NPAS3: variants seen among roughly 807,000 people sequenced by gnomAD.
The protein encoded by NPAS3 is neuronal PAS domain protein 3, also known as neuronal PAS domain-containing protein 3.
Under a neutral mutation model 73.1 loss-of-function variants are expected in NPAS3, and 14 were observed. The observed-to-expected ratio is 0.19, with a 90% CI of 0.13 to 0.30. The LOEUF is 0.30. Among genes scored for constraint, NPAS3 ranks in the 10% least tolerant of loss-of-function variants. NPAS3 has a pLI of 1.00. For missense variants in NPAS3, 1,096 were observed against 1,250.0 expected, an observed-to-expected ratio of 0.88 and a Z score of 1.86; for synonymous variants, 620 against 541.5, an observed-to-expected ratio of 1.14 and a Z score of -2.01.
intron 6 of NPAS3, among the ~76,000 whole-genome samples, chr14:33,685,833 G>A (rs932117730): frequency 6.6e-6 from 1 of 152,142 alleles, no homozygotes; most frequent in Non-Finnish European, 1.5e-5. Context: ...CCTACACCAA[G>A]GTTAGAGATG....
chr14:33,159,072 G>T (rs2044753418), intron 2 of NPAS3, among the ~76,000 whole-genome samples: 1 of 152,018 alleles, frequency 6.6e-6, no homozygotes, highest in Non-Finnish European at 1.5e-5. Flanking sequence ...CGAGGCAGGG[G>T]AATTGCTTGG....
At chr14:33,601,615 G>A (rs1167648350) in intron 5 of NPAS3, among the ~76,000 whole-genome samples, 3 of 152,174 alleles carry the variant, frequency 2.0e-5, no homozygotes, top group Admixed American at 2.0e-4. Context: ...CATTGGTTAA[G>A]TGACTTAAGG....
In NPAS3 at chr14:33,460,686, C is replaced by G. The variant is rs74778443; in HGVS notation, c.468+93418C>G. 1.1e-3 allele frequency among the ~76,000 whole-genome samples: 168 copies of G among 152,300 alleles called. 2 individuals carry two copies. In the East Asian group the frequency reaches 0.019, roughly 17 times the overall value. On this transcript the variant is annotated intron_variant, in intron 4 of 11. Coordinates refer to ENST00000356141, the Ensembl canonical transcript of NPAS3. ...CCTCTTTTGCAAATTGATTCTTCTA[C>G]TTTAGCAATTCCTTTTACTGTTGTT... is the stretch of plus-strand genomic sequence containing the variant.
At chr14:33,430,044 A>G (rs769980201) in intron 4 of NPAS3, among the ~76,000 whole-genome samples, 1 of 152,156 alleles carries the variant, frequency 6.6e-6, no homozygotes, top group Non-Finnish European at 1.5e-5. Context: ...AGTGTCATTT[A>G]TGGAGCTGTT....
upstream of NPAS3, among the ~76,000 whole-genome samples, chr14:32,938,623 C>T (rs926904290): frequency 2.6e-5 from 4 of 151,722 alleles, no homozygotes; most frequent in Non-Finnish European, 5.9e-5. Context: ...GCTGGAACCC[C>T]CCGCGTGTCC....
At chr14:33,014,177 T>C (rs1180276913) in intron 1 of NPAS3, among the ~76,000 whole-genome samples, 3 of 152,168 alleles carry the variant, frequency 2.0e-5, no homozygotes, top group Non-Finnish European at 4.4e-5. Context: ...TGTTAATTTT[T>C]AGCTAATATT....
intron 3 of NPAS3, among the ~76,000 whole-genome samples, chr14:33,358,967 G>A (rs111913909): frequency 0.018 from 2,620 of 147,930 alleles, 33 homozygotes; most frequent in Middle Eastern, 0.051. Flanking sequence ...CCTTTCAATA[G>A]CAGGTGCTGT....
chr14:33,789,582 A>ATTTTTTTT (rs1566544083), intron 9 of NPAS3, among the ~76,000 whole-genome samples: 1 of 89,212 alleles, frequency 1.1e-5, no homozygotes, highest in Non-Finnish European at 2.2e-5. Flanking sequence ...CTAGAGTACA[A>ATTTTTTTT]CTTTTTTTTT....
chr14:33,463,015 C>T (rs2050343978), intron 4 of NPAS3, among the ~76,000 whole-genome samples: 1 of 152,158 alleles, frequency 6.6e-6, no homozygotes, highest in African/African-American at 2.4e-5. Flanking sequence ...TTAACGATTT[C>T]CTTATCTTTT....
chr14:33,518,972 A>C (rs187829933), intron 4 of NPAS3, among the ~76,000 whole-genome samples: 92 of 152,270 alleles, frequency 6.0e-4, no homozygotes, highest in Non-Finnish European at 1.8e-4. Flanking sequence ...TTAATGACTA[A>C]GTGAATAAAT....
chr14:33,527,902 A>G (rs1044114024), intron 4 of NPAS3, among the ~76,000 whole-genome samples: 3 of 152,104 alleles, frequency 2.0e-5, no homozygotes, highest in African/African-American at 7.2e-5. Flanking sequence ...CTGTTTCAAC[A>G]GAAGGAACAC....
At chr14:33,486,309 G>A (rs1007778733) in intron 4 of NPAS3, among the ~76,000 whole-genome samples, 3 of 151,982 alleles carry the variant, frequency 2.0e-5, no homozygotes, top group South Asian at 2.1e-4. Flanking sequence ...TTCTCCCGGC[G>A]TCCTCATCTG....
chr14:33,408,618 T>G (rs1372866389), intron 4 of NPAS3, among the ~76,000 whole-genome samples: 1 of 152,190 alleles, frequency 6.6e-6, no homozygotes, highest in East Asian at 1.9e-4. Flanking sequence ...GTGTTTCCTT[T>G]GATTATAAAT....
chr14:33,016,095 G>A (rs189752742), intron 1 of NPAS3, among the ~76,000 whole-genome samples: 41 of 152,130 alleles, frequency 2.7e-4, no homozygotes, highest in South Asian at 1.0e-3. Flanking sequence ...TTGATGCTTT[G>A]CCCTAAAAAA....
chr14:33,534,972 G>A (rs1449398797), intron 4 of NPAS3, among the ~76,000 whole-genome samples: 1 of 152,082 alleles, frequency 6.6e-6, no homozygotes, highest in African/African-American at 2.4e-5. Context: ...CATCATAAGA[G>A]GAACATATTA....
intron 3 of NPAS3, among the ~76,000 whole-genome samples, chr14:33,258,893 A>G (rs1474240435): frequency 6.6e-6 from 1 of 152,130 alleles, no homozygotes; most frequent in Non-Finnish European, 1.5e-5. Flanking sequence ...TGCTCACTGC[A>G]AGCTCCGCCT....
intron 1 of NPAS3, among the ~76,000 whole-genome samples, chr14:32,941,621 C>T (rs2036019114): frequency 6.6e-6 from 1 of 151,932 alleles, no homozygotes; most frequent in South Asian, 2.1e-4. Context: ...GTCTGAAATT[C>T]TGATTGAAGT....
chr14:33,297,216 A>G (rs1244976425), intron 3 of NPAS3, among the ~76,000 whole-genome samples: 3 of 128,240 alleles, frequency 2.3e-5, no homozygotes, highest in Non-Finnish European at 1.7e-5. Flanking sequence ...TGAGCAAATT[A>G]CCTCTCTTTG....
intron 2 of NPAS3, among the ~76,000 whole-genome samples, chr14:33,063,837 C>T (rs78556606): frequency 6.6e-6 from 1 of 152,168 alleles, no homozygotes; most frequent in Non-Finnish European, 1.5e-5. Context: ...TGAGTACTAC[C>T]TTGTTGCTCA....
Sources: allele counts gnomAD v4.1 joint callset (sites outside exome capture counted in the v4.1 genomes callset), GRCh38; gene constraint gnomAD v4.1.1; transcripts MANE v1.5; gene names NCBI Gene and HGNC (gene_info 2026-07-23, HGNC 2026-07-21).